COL17A1: variants seen among roughly 807,000 people sequenced by gnomAD.
The protein encoded by COL17A1 is collagen alpha-1(XVII) chain.
Under a neutral mutation model 218.4 loss-of-function variants are expected in COL17A1, and 181 were observed. That is an observed-to-expected ratio of 0.83 (90% CI 0.73 to 0.94). The LOEUF (loss-of-function observed/expected upper bound fraction) is 0.94, where lower values mean the gene tolerates loss of function less well. Ranked by LOEUF, COL17A1 falls within the 40% of genes least tolerant of loss-of-function variation. COL17A1 has a pLI of 0.00. For missense variants in COL17A1, 1,924 were observed against 1,945.9 expected (o/e 0.99, Z 0.21); for synonymous variants, 721 against 731.0 (o/e 0.99, Z 0.22).
At position 104,067,885 on chromosome 10, in the gene COL17A1, G is replaced by A. The variant is rs117340884; in HGVS notation, c.607+2541C>T. ...GAAAATAAGCGAAAGAGAAAGAGACGGGAAAAGACAGAGATCAAAGACACA... is the reference window on the plus strand; with the variant it reads ...GAAAATAAGCGAAAGAGAAAGAGACAGGAAAAGACAGAGATCAAAGACACA... On this transcript the variant is annotated intron_variant, in intron 9 of 55. Coordinates refer to ENST00000648076, the MANE Select transcript of COL17A1 (RefSeq NM_000494.4). Among the ~76,000 whole-genome samples, 600 of 151,830 alleles carry A rather than the reference G, an allele frequency of 4.0e-3. 1 individual carries two copies. Among genetic ancestry groups the A allele is most frequent in the Middle Eastern group, 0.017 (5 of 294 alleles).
chr10:104,047,878 A>C, intron 30 of COL17A1, 68 bp from the exon 31 acceptor site: 1 of 1,467,050 alleles, frequency 6.8e-7, no homozygotes, highest in Non-Finnish European at 9.6e-7. Context: ...TCACATCTGA[A>C]CTGATAGTTT....
intron 11 of COL17A1, among the ~76,000 whole-genome samples, chr10:104,063,106 T>C (rs1424056531): frequency 6.6e-6 from 1 of 152,200 alleles, no homozygotes; most frequent in Non-Finnish European, 1.5e-5. Context: ...CTTGCCTCTA[T>C]ATCAGTCAAG....
intron 9 of COL17A1, among the ~76,000 whole-genome samples, chr10:104,069,975 T>G (rs2086656125): frequency 6.6e-6 from 1 of 152,086 alleles, no homozygotes; most frequent in Admixed American, 6.5e-5. Context: ...AAGGAACACT[T>G]AAAGCTAACT....
Position 104,037,788 on chromosome 10 carries a change from A to C in COL17A1, c.3071-15T>G, listed in dbSNP as rs777125290. The C allele has an allele frequency of 1.7e-5, 27 of 1,613,192 alleles. No individual in the cohort carries two copies. The highest frequency in any genetic ancestry group is 2.3e-5 in the Non-Finnish European group (27 of 1,179,734). On this transcript the variant is annotated splice_polypyrimidine_tract_variant and intron_variant, in intron 45 of 55. Transcript: ENST00000648076. ...AATACTGTCACCTGCCGACCAAGGA[A>C]CAAAGCAAAGTCAAGCCTGTCCCAA...
rs2086327434 is a variant in COL17A1, at chr10:104,038,664, TC to T, written c.2948-137del. The T allele has an allele frequency of 3.3e-5, 37 of 1,116,034 alleles. No individual in the cohort carries two copies. The South Asian group carries it at 4.9e-4, about 15-fold the overall frequency. 69.1% of individuals were successfully genotyped at this position (1,116,034 alleles called of 1,614,324 possible). A position where few individuals can be genotyped will look rare whatever the true frequency, so the allele number is the denominator to read the frequency against. On this transcript the variant is annotated intron_variant, in intron 44 of 55. Coordinates refer to ENST00000648076, the MANE Select transcript of COL17A1 (RefSeq NM_000494.4). ...AATAGGATAGTGGCAAGGAGAAGGG[TC>T]CCCGAGAAGAGAAGAAAGGACAGCC...
chr10:104,032,036 A>C lies in COL17A1; in HGVS notation c.*199T>G, dbSNP rs1844690811. 1 of 619,792 alleles carries C rather than the reference A, an allele frequency of 1.6e-6. No individual in the cohort carries two copies. Among genetic ancestry groups the C allele is most frequent in the East Asian group, 2.7e-5 (1 of 36,450 alleles). 38.4% of individuals were successfully genotyped at this position (619,792 alleles called of 1,614,324 possible). ...ACTACTGTTAGAGTCCACCCCATGA[A>C]GCTGTTTCAGATTGTGTATCTTTGA... On this transcript the variant is annotated 3_prime_UTR_variant, in exon 56 of 56. Transcript: ENST00000648076.
At chr10:104,056,049 C>G (rs375326961) in intron 17 of COL17A1, 46 bp from the exon 18 acceptor site, 5 of 1,607,920 alleles carry the variant, frequency 3.1e-6, no homozygotes, top group Non-Finnish European at 3.4e-6. Context: ...CCCGGTCCTT[C>G]GCCTTCCATA....
At chr10:104,032,792 A>T in intron 54 of COL17A1, 38 bp from the exon 55 acceptor site, 4 of 1,612,160 alleles carry the variant, frequency 2.5e-6, no homozygotes, top group Non-Finnish European at 3.4e-6. Flanking sequence ...GTAATACATG[A>T]GTCTGGGGAC....
chr10:104,037,958 G>C (rs1389401712), intron 45 of COL17A1, among the ~76,000 whole-genome samples, 185 bp from the exon 46 acceptor site: 1 of 152,222 alleles, frequency 6.6e-6, no homozygotes, highest in Non-Finnish European at 1.5e-5. Flanking sequence ...GAGAAACTGA[G>C]GCAGAGGCCT....
At chr10:104,063,435 T>C (rs1174347027) in intron 11 of COL17A1, 2 of 383,692 alleles carry the variant, frequency 5.2e-6, no homozygotes, top group African/African-American at 4.1e-5. Context: ...AAATTAACAA[T>C]GCCTTTACCC....
In COL17A1 at chr10:104,051,607, G is replaced by A. The variant is rs568754098; in HGVS notation, c.2003-91C>T. On this transcript the variant is annotated intron_variant, in intron 24 of 55. Coordinates refer to ENST00000648076, the MANE Select transcript of COL17A1 (RefSeq NM_000494.4). Reference sequence around the variant, plus strand: ...TGCAGGGCAGGTGGGGGTTAGGGACGCTGTCTTCCAGGTGAGGGCTGTGTG... The same window carrying A: ...TGCAGGGCAGGTGGGGGTTAGGGACACTGTCTTCCAGGTGAGGGCTGTGTG... The A allele has an allele frequency of 1.9e-5, 29 of 1,510,094 alleles. No individual in the cohort carries two copies. The African/African-American group carries it at 2.2e-4, about 11-fold the overall frequency. The allele number at this position is 1,510,094 out of a possible 1,614,324, so 93.5% of individuals were successfully genotyped here. A position where few individuals can be genotyped will look rare whatever the true frequency, so the allele number is the denominator to read the frequency against.
chr10:104,082,165 A>G (rs1221857677), intron 1 of COL17A1, among the ~76,000 whole-genome samples: 1 of 152,208 alleles, frequency 6.6e-6, no homozygotes, highest in Non-Finnish European at 1.5e-5. Context: ...GCACAATGGA[A>G]AAAATCCTAG....
At chr10:104,052,248 G>A (rs1182875370) in intron 23 of COL17A1, 31 bp from the exon 24 acceptor site, 2 of 1,613,848 alleles carry the variant, frequency 1.2e-6, no homozygotes, top group Non-Finnish European at 1.7e-6. Context: ...GAGCACTTTG[G>A]GAGAGGCCCC....
In COL17A1 at chr10:104,038,391, C is replaced by T. The variant is rs763281488; in HGVS notation, c.3070+15G>A. The stretch of plus-strand genomic sequence containing the variant: ...ATGTTCTTGTCCCCACGGCTTGCGG[C>T]GGCCAGCTACTCACTCTGCATGTAC... On this transcript the variant is annotated intron_variant, in intron 45 of 55. Coordinates refer to ENST00000648076, the MANE Select transcript of COL17A1 (RefSeq NM_000494.4). The T allele has an allele frequency of 1.5e-5, 24 of 1,613,332 alleles. No individual in the cohort carries two copies. The highest frequency in any genetic ancestry group is 1.6e-4 in the Middle Eastern group (1 of 6,082).
At chr10:104,049,531 G>T in intron 28 of COL17A1, 60 bp from the exon 29 acceptor site, 1 of 1,559,756 alleles carries the variant, frequency 6.4e-7, no homozygotes, top group East Asian at 2.2e-5. Flanking sequence ...CTTTAACAAT[G>T]GTGGTCTGCT....
chr10:104,076,211 C>T lies in COL17A1; in HGVS notation c.331+90G>A, dbSNP rs1235618470. 6 of 1,600,866 alleles carry T rather than the reference C, an allele frequency of 3.7e-6. No individual in the cohort carries two copies. In the Admixed American group the frequency reaches 6.7e-5, roughly 18 times the overall value. ...AGTGGGGAGAAAGGTGAAGGGCAGA[C>T]ACAGGTGGCCAGCATGTAAATCTTC... On this transcript the variant is annotated intron_variant, in intron 5 of 55. Coordinates refer to ENST00000648076, the MANE Select transcript of COL17A1 (RefSeq NM_000494.4).
At position 104,043,867 on chromosome 10, in the gene COL17A1, A is replaced by G. The variant is rs1353256424; in HGVS notation, c.2399-7T>C. 1.9e-6 allele frequency: 3 copies of G among 1,614,146 alleles called. No individual in the cohort carries two copies. The highest frequency in any genetic ancestry group is 2.5e-6 in the Non-Finnish European group (3 of 1,180,016). The stretch of plus-strand genomic sequence containing the variant: ...CCTGGAGCTCCTGGTTCACCTAGGA[A>G]GAGAGGAAAAGGCTGAGAGTGGTTG... On this transcript the variant is annotated splice_polypyrimidine_tract_variant and splice_region_variant and intron_variant, in intron 33 of 55. Transcript: ENST00000648076.
chr10:104,066,565 C>T (rs1305608489), intron 9 of COL17A1, among the ~76,000 whole-genome samples: 2 of 152,094 alleles, frequency 1.3e-5, no homozygotes, highest in African/African-American at 2.4e-5. Context: ...CCCATGCTCC[C>T]GCTTCAAGAG....
At chr10:104,059,857 G>T in intron 14 of COL17A1, 139 bp from the exon 15 acceptor site, 1 of 1,050,072 alleles carries the variant, frequency 9.5e-7, no homozygotes, top group Non-Finnish European at 1.4e-6. Flanking sequence ...TCTTTCCTGG[G>T]GTTCATCTCC....
Sources: gnomAD v4.1 joint callset for allele counts (sites outside exome capture counted in the v4.1 genomes callset) on GRCh38, gnomAD v4.1.1 for gene constraint, MANE v1.5 for transcripts, NCBI Gene and HGNC (gene_info 2026-07-23, HGNC 2026-07-21) for gene names.